Variants in HS3ST4 observed in about 807,000 individuals in gnomAD.
HS3ST4 encodes the protein heparan sulfate-glucosamine 3-sulfotransferase 4.
Under a neutral mutation model 29.2 loss-of-function variants are expected in HS3ST4, and 17 were observed. The observed-to-expected ratio is 0.58, with a 90% CI of 0.40 to 0.87. The LOEUF (loss-of-function observed/expected upper bound fraction) is 0.87, where lower values mean the gene tolerates loss of function less well. HS3ST4 is among the 40% of genes least tolerant of loss of function. The pLI is 0.00. For synonymous variants in HS3ST4, 314 were observed against 285.7 expected (o/e 1.10, Z -1.00); for missense variants, 627 against 634.5 (o/e 0.99, Z 0.13).
chr16:26,120,316 A>T (rs141739849), intron 1 of HS3ST4, among the ~76,000 whole-genome samples: 1,816 of 152,248 alleles, frequency 0.012, 24 homozygotes, highest in African/African-American at 0.042. Flanking sequence ...GTCAGGTCTA[A>T]ATACAGCCAC....
chr16:25,849,852 C>G (rs1014064401), intron 1 of HS3ST4, among the ~76,000 whole-genome samples: 1 of 151,940 alleles, frequency 6.6e-6, no homozygotes, highest in African/African-American at 2.4e-5. Flanking sequence ...AAATATTCTC[C>G]TCTGTCTCTT....
intron 1 of HS3ST4, among the ~76,000 whole-genome samples, chr16:25,849,972 G>T (rs1241794139): frequency 6.8e-6 from 1 of 147,370 alleles, no homozygotes; most frequent in African/African-American, 2.5e-5. Context: ...GTTTTATGTC[G>T]TATAATGAAA....
At chr16:25,983,321 G>A (rs564648907) in intron 1 of HS3ST4, among the ~76,000 whole-genome samples, 3 of 152,248 alleles carry the variant, frequency 2.0e-5, no homozygotes, top group Admixed American at 2.0e-4. Context: ...ATGACCTTAG[G>A]CTTAATCTCA....
At chr16:25,713,649 A>G (rs1343561344) in intron 1 of HS3ST4, among the ~76,000 whole-genome samples, 1 of 152,218 alleles carries the variant, frequency 6.6e-6, no homozygotes, top group Non-Finnish European at 1.5e-5. Flanking sequence ...GTTGTTCTTC[A>G]TAGGTATGGC....
At chr16:25,783,302 C>T (rs1489278399) in intron 1 of HS3ST4, among the ~76,000 whole-genome samples, 2 of 152,112 alleles carry the variant, frequency 1.3e-5, no homozygotes, top group Non-Finnish European at 2.9e-5. Context: ...CAGAATGGTT[C>T]CATTTTTAAA....
At chr16:26,098,930 A>G (rs1480801359) in intron 1 of HS3ST4, among the ~76,000 whole-genome samples, 4 of 152,050 alleles carry the variant, frequency 2.6e-5, no homozygotes, top group African/African-American at 9.7e-5. Context: ...CGGTTCAGGC[A>G]AAAGGGTGAT....
intron 1 of HS3ST4, among the ~76,000 whole-genome samples, chr16:25,777,163 C>T (rs1966848253): frequency 6.6e-6 from 1 of 152,210 alleles, no homozygotes; most frequent in African/African-American, 2.4e-5. Flanking sequence ...GCACATTAAT[C>T]TCTCCACATA....
chr16:25,873,141 T>C (rs1384635826), intron 1 of HS3ST4, among the ~76,000 whole-genome samples: 2 of 152,000 alleles, frequency 1.3e-5, no homozygotes, highest in Non-Finnish European at 2.9e-5. Flanking sequence ...TCTTTCTTTC[T>C]TCCATCTGTC....
At chr16:25,745,931 A>G (rs947133276) in intron 1 of HS3ST4, among the ~76,000 whole-genome samples, 3 of 152,184 alleles carry the variant, frequency 2.0e-5, no homozygotes, top group African/African-American at 7.2e-5. Context: ...TTTGGCAAAT[A>G]TTGAAACACA....
At chr16:25,700,003 A>G (rs1966324126) in intron 1 of HS3ST4, among the ~76,000 whole-genome samples, 1 of 151,828 alleles carries the variant, frequency 6.6e-6, no homozygotes, top group Non-Finnish European at 1.5e-5. Flanking sequence ...GCCTTCCTTT[A>G]TCCTGCCCAT....
At chr16:25,716,632 T>C (rs1174931427) in intron 1 of HS3ST4, among the ~76,000 whole-genome samples, 3 of 152,260 alleles carry the variant, frequency 2.0e-5, no homozygotes, top group African/African-American at 7.2e-5. Flanking sequence ...TGCTCTTAGC[T>C]AAACTTAATT....
At chr16:25,871,276 A>C (rs1226819607) in intron 1 of HS3ST4, among the ~76,000 whole-genome samples, 2 of 152,164 alleles carry the variant, frequency 1.3e-5, no homozygotes, top group African/African-American at 4.8e-5. Flanking sequence ...ACACAATTCT[A>C]AAAAAGGTTT....
chr16:25,946,839 A>G (rs1968630588), intron 1 of HS3ST4, among the ~76,000 whole-genome samples: 1 of 152,108 alleles, frequency 6.6e-6, no homozygotes, highest in African/African-American at 2.4e-5. Context: ...AAACACTTCT[A>G]GCAGCAAGGA....
intron 1 of HS3ST4, among the ~76,000 whole-genome samples, chr16:25,991,819 A>G (rs572068217): frequency 6.6e-6 from 1 of 152,318 alleles, no homozygotes; most frequent in African/African-American, 2.4e-5. Context: ...CAGGAGATCA[A>G]GACCATCCTG....
intron 1 of HS3ST4, among the ~76,000 whole-genome samples, chr16:25,996,039 TGG>T (rs2141731045): frequency 6.7e-6 from 1 of 149,822 alleles, no homozygotes; most frequent in South Asian, 2.1e-4. Context: ...GTAGATAAGA[TGG>T]ACCAGGAGAT....
intron 1 of HS3ST4, among the ~76,000 whole-genome samples, chr16:26,084,137 T>A (rs985681417): frequency 3.9e-5 from 6 of 152,184 alleles, no homozygotes; most frequent in African/African-American, 1.4e-4. Flanking sequence ...CCTGGCCAGG[T>A]CCCCATGGGC....
chr16:26,040,301 T>C (rs868411142), intron 1 of HS3ST4, among the ~76,000 whole-genome samples: 2,411 of 150,760 alleles, frequency 0.016, 55 homozygotes, highest in African/African-American at 0.054. Context: ...TCTTTCTTTT[T>C]TTTTTTTTTT....
chr16:25,876,305 A>G (rs61474851), intron 1 of HS3ST4, among the ~76,000 whole-genome samples: 31,751 of 152,088 alleles, frequency 0.21, 3,881 homozygotes, highest in Non-Finnish European at 0.29. Flanking sequence ...AAATATAACT[A>G]TTGACTCACA....
At chr16:25,829,163 A>T (rs1376963465) in intron 1 of HS3ST4, among the ~76,000 whole-genome samples, 6 of 152,206 alleles carry the variant, frequency 3.9e-5, no homozygotes, top group African/African-American at 1.4e-4. Context: ...TTACCTACTT[A>T]GGCACAGACA....
Sources: allele counts gnomAD v4.1 joint callset (sites outside exome capture counted in the v4.1 genomes callset), GRCh38; gene constraint gnomAD v4.1.1; transcripts MANE v1.5; gene names NCBI Gene and HGNC (gene_info 2026-07-23, HGNC 2026-07-21).